Variants in SCN7A observed in about 807,000 individuals in gnomAD.
The protein encoded by SCN7A is sodium voltage-gated channel alpha subunit 7.
In SCN7A, 138 loss-of-function variants were observed where a neutral mutation model predicts 155.2. The observed-to-expected ratio is 0.89, with a 90% CI of 0.77 to 1.02. SCN7A has a LOEUF of 1.02. SCN7A is among the 50% of genes least tolerant of loss of function. The pLI, the probability that SCN7A is intolerant of heterozygous loss-of-function variation, is 0.00. For missense variants in SCN7A, 2,058 were observed against 1,986.6 expected (o/e 1.04, Z -0.68); for synonymous variants, 693 against 649.0 (o/e 1.07, Z -1.03).
At chr2:166,413,917 C>T (rs1203015114) in intron 21 of SCN7A, among the ~76,000 whole-genome samples, 1 of 135,852 alleles carries the variant, frequency 7.4e-6, no homozygotes, top group Non-Finnish European at 1.5e-5. Context: ...TTGTGGGACC[C>T]TGTGATCATT....
intron 1 of SCN7A, among the ~76,000 whole-genome samples, chr2:166,489,327 AC>A (rs1489876959): frequency 1.3e-5 from 2 of 152,234 alleles, no homozygotes. Context: ...TCCCCTCTGG[AC>A]ATGAGTGAAG....
chr2:166,415,881 C>G (rs1701364463), intron 21 of SCN7A, among the ~76,000 whole-genome samples: 1 of 152,182 alleles, frequency 6.6e-6, no homozygotes, highest in African/African-American at 2.4e-5. Flanking sequence ...ACCATAAGTT[C>G]TGATTGCCTG....
chr2:166,429,293 C>A lies in SCN7A; in HGVS notation c.2593-19G>T, dbSNP rs547906103. ...TTATTTTCTAAAAGGTGAAGTCCCA[C>A]CAAAAAAGTTGTGATTAAAGTTTCA... is the stretch of plus-strand genomic sequence containing the variant. On this transcript the variant is annotated intron_variant, in intron 16 of 25. Coordinates refer to ENST00000643258, the MANE Select transcript of SCN7A (RefSeq NM_002976.4). 6.3e-6 allele frequency: 9 copies of A among 1,434,602 alleles called. No homozygotes were observed. In the African/African-American group the frequency reaches 8.7e-5, roughly 14 times the overall value. The allele number at this position is 1,434,602 out of a possible 1,614,324, so 88.9% of individuals were successfully genotyped here.
rs1294323154 is a variant in SCN7A, at chr2:166,462,402, A to G, written c.1070T>C (p.Val357Ala). The G allele has an allele frequency of 6.3e-7, 1 of 1,592,402 alleles. No individual in the cohort carries two copies. Among genetic ancestry groups the G allele is most frequent in the Non-Finnish European group, 8.6e-7 (1 of 1,168,324 alleles). Residue 357 changes from valine (V) to alanine (A), a missense_variant, in exon 10 of 26, where the codon GTA becomes GCA. Physicochemically the swap from Val to Ala is moderately conservative, Grantham distance 64. Coordinates refer to ENST00000643258, the MANE Select transcript of SCN7A (RefSeq NM_002976.4). ...CTCTGTTCTTACCTGGTGATAAAGTACTTCAGGGTAATCCTGAGCCATTAA... is the reference window on the plus strand; with the variant it reads ...CTCTGTTCTTACCTGGTGATAAAGTGCTTCAGGGTAATCCTGAGCCATTAA... ...FRLMAQDYPE[V>A]LYHQILYASG... is the part of the protein sequence containing the mutation.
intron 23 of SCN7A, among the ~76,000 whole-genome samples, chr2:166,411,160 C>T (rs1701194599): frequency 6.6e-6 from 1 of 152,038 alleles, no homozygotes; most frequent in Admixed American, 6.6e-5. Context: ...TCTCACTTTC[C>T]ACACTATCAG....
chr2:166,414,328 A>ATATG (rs1701310263), intron 21 of SCN7A, among the ~76,000 whole-genome samples: 1 of 115,960 alleles, frequency 8.6e-6, no homozygotes, highest in Non-Finnish European at 1.7e-5. Flanking sequence ...ATATATATAT[A>ATATG]TATGAAGGAA....
Position 166,404,236 on chromosome 2 carries a change from C to A in SCN7A, c.*1344G>T, listed in dbSNP as rs951750194. 1 of 151,900 alleles carries A rather than the reference C, an allele frequency of 6.6e-6. No homozygotes were observed. Among genetic ancestry groups the A allele is most frequent in the Non-Finnish European group, 1.5e-5 (1 of 67,908 alleles). 9.4% of individuals were successfully genotyped at this position (151,900 alleles called of 1,614,324 possible). The stretch of plus-strand genomic sequence containing the variant: ...AAAGTTGGAATAACTCTCAGAATCT[C>A]AAACTACATAGAAGTAAATGACTAT... On this transcript the variant is annotated 3_prime_UTR_variant, in exon 26 of 26. Transcript: ENST00000643258.
chr2:166,410,983 G>T (rs1348706795), intron 23 of SCN7A, among the ~76,000 whole-genome samples: 2 of 151,970 alleles, frequency 1.3e-5, no homozygotes, highest in Non-Finnish European at 2.9e-5. Context: ...GCAGACACCA[G>T]TTCGAAGCCT....
intron 12 of SCN7A, 64 bp downstream of exon 12, chr2:166,447,548 C>A (rs1416436188): frequency 8.3e-6 from 9 of 1,087,674 alleles, no homozygotes; most frequent in Admixed American, 2.4e-5. Flanking sequence ...TGCTGAATTT[C>A]TTTAAAAGTG....
intron 11 of SCN7A, among the ~76,000 whole-genome samples, chr2:166,455,824 T>A (rs533675652): frequency 3.0e-4 from 45 of 152,200 alleles, no homozygotes; most frequent in Non-Finnish European, 6.2e-4. Flanking sequence ...TGCCACTGAT[T>A]CTGTTTATGT....
Position 166,405,584 on chromosome 2 carries a change from A to G in SCN7A, c.5045T>C (p.Ile1682Thr), listed in dbSNP as rs1440453101. 5.1e-6 allele frequency: 8 copies of G among 1,570,040 alleles called. No homozygotes were observed. The highest frequency in any genetic ancestry group is 6.0e-6 in the Non-Finnish European group (7 of 1,160,270). ...GAAAAGAGGTGGTAAGTGGTATTAGATCTGGCTTTGAATAGGTGACTTTTC... is the reference window on the plus strand; with the variant it reads ...GAAAAGAGGTGGTAAGTGGTATTAGGTCTGGCTTTGAATAGGTGACTTTTC... ...AKEKSPIQSQI is the reference protein window; with the variant it reads ...AKEKSPIQSQT The change falls in exon 26 of 26, where the codon ATC (isoleucine) becomes ACC (threonine). Residue 1682 changes from isoleucine to threonine, a missense_variant. By Grantham distance (89) the Ile-to-Thr change is moderately conservative. Coordinates refer to ENST00000643258, the MANE Select transcript of SCN7A (RefSeq NM_002976.4).
intron 3 of SCN7A, 40 bp downstream of exon 3, chr2:166,477,420 AAAT>A (rs1252643608): frequency 8.3e-7 from 1 of 1,198,706 alleles, no homozygotes; most frequent in African/African-American, 1.6e-5. Context: ...TCTGGAAATA[AAAT>A]AATAAAAATG....
intron 19 of SCN7A, among the ~76,000 whole-genome samples, chr2:166,422,672 T>C (rs114138448): frequency 0.012 from 1,826 of 152,268 alleles, 19 homozygotes; most frequent in South Asian, 0.036. Context: ...ACACAGATAC[T>C]TGTAGAGCAT....
chr2:166,484,601 T>C lies in SCN7A; in HGVS notation c.-15+2255A>G, dbSNP rs182135080. On this transcript the variant is annotated intron_variant, in intron 2 of 25. Transcript: ENST00000643258. ...AATCTTGAAGGCTAAAGATTTTATATGTCATCACTAATACATGTTTTAAGT... is the reference window on the plus strand; with the variant it reads ...AATCTTGAAGGCTAAAGATTTTATACGTCATCACTAATACATGTTTTAAGT... 1.7e-3 allele frequency among the ~76,000 whole-genome samples: 263 copies of C among 152,146 alleles called. 2 individuals carry two copies. In the Middle Eastern group the frequency reaches 0.021, roughly 12 times the overall value.
At position 166,413,084 on chromosome 2, in the gene SCN7A, G is replaced by T; in HGVS notation, c.3452C>A (p.Ala1151Glu). Residue 1151 changes from alanine to glutamate, a missense_variant, in exon 22 of 26, where the codon GCA (alanine) becomes GAA (glutamate). Coordinates refer to ENST00000643258, the MANE Select transcript of SCN7A (RefSeq NM_002976.4). ...TATACTTACAGCAACAGAATCAATTGCTGAATTCATAATAGTGATCCATCC... is the reference window on the plus strand; with the variant it reads ...TATACTTACAGCAACAGAATCAATTTCTGAATTCATAATAGTGATCCATCC... ...FNGWITIMNS[A>E]IDSVAVNIQP... 1 of 1,530,756 alleles carries T rather than the reference G, an allele frequency of 6.5e-7. No homozygotes were observed. The highest frequency in any genetic ancestry group is 8.8e-7 in the Non-Finnish European group (1 of 1,137,308). 94.8% of individuals were successfully genotyped at this position (1,530,756 alleles called of 1,614,324 possible).
Position 166,442,778 on chromosome 2 carries a change from T to C in SCN7A, c.1800+725A>G, listed in dbSNP as rs115771550. 6.2e-3 allele frequency among the ~76,000 whole-genome samples: 937 copies of C among 152,316 alleles called. 4 individuals are homozygous for C. The highest frequency in any genetic ancestry group is 0.022 in the African/African-American group (898 of 41,560). Reference sequence around the variant, plus strand: ...TTAGCACATTTTCTGCAATTGCCAGTGTTGTTTCATCCATAAATTTGGTGA... The same window carrying C: ...TTAGCACATTTTCTGCAATTGCCAGCGTTGTTTCATCCATAAATTTGGTGA... On this transcript the variant is annotated intron_variant, in intron 14 of 25. Transcript: ENST00000643258.
At chr2:166,441,934 T>G (rs1337955178) in intron 14 of SCN7A, among the ~76,000 whole-genome samples, 182 bp from the exon 15 acceptor site, 1 of 152,228 alleles carries the variant, frequency 6.6e-6, no homozygotes, top group Non-Finnish European at 1.5e-5. Context: ...CCTATAATTT[T>G]GTATACTCAG....
chr2:166,441,189 T>C (rs1267783491), intron 15 of SCN7A: 10 of 461,398 alleles, frequency 2.2e-5, no homozygotes, highest in Non-Finnish European at 3.8e-5. Context: ...TGTGTAAGAC[T>C]TCAAATCTGG....
chr2:166,413,981 G>GTATATATATATATAAATA (rs1553513526), intron 21 of SCN7A, among the ~76,000 whole-genome samples: 5 of 53,502 alleles, frequency 9.3e-5, no homozygotes, highest in Non-Finnish European at 1.4e-4. Flanking sequence ...ATGTGTATGT[G>GTATATATATATATAAATA]TATATATATA....
Sources: gnomAD v4.1 joint callset for allele counts (sites outside exome capture counted in the v4.1 genomes callset) on GRCh38, gnomAD v4.1.1 for gene constraint, MANE v1.5 for transcripts, NCBI Gene and HGNC (gene_info 2026-07-23, HGNC 2026-07-21) for gene names.